The following SLC67A1 variants were observed in gnomAD, a reference collection of about 807,000 sequenced individuals.
The protein encoded by SLC67A1 is solute carrier family 67 member A1.
At chr11:2,909,094 C>A in the SLC67A1 span, 1 of 1,166,142 alleles carries the variant, frequency 8.6e-7, no homozygotes, top group Non-Finnish European at 1.2e-6. Flanking sequence ...CCCCATCCCG[C>A]ACTCCAGCCT....
the SLC67A1 span, among the ~76,000 whole-genome samples, chr11:2,905,264 GAT>G: frequency 4.6e-5 from 7 of 152,136 alleles, no homozygotes; most frequent in African/African-American, 1.4e-4. Flanking sequence ...TGGCAGTGGT[GAT>G]GGAGGAGGGG....
chr11:2,909,132 C>T, the SLC67A1 span: 2 of 1,416,396 alleles, frequency 1.4e-6, no homozygotes, highest in African/African-American at 1.5e-5. Flanking sequence ...TGGGCAGCCC[C>T]TGGACGGGGG....
chr11:2,905,406 G>T, the SLC67A1 span, among the ~76,000 whole-genome samples: 15 of 152,318 alleles, frequency 9.8e-5, no homozygotes, highest in African/African-American at 3.1e-4. Flanking sequence ...GGTCAATGGG[G>T]ACCTCAGGGA....
the SLC67A1 span, among the ~76,000 whole-genome samples, chr11:2,917,353 C>T: frequency 5.3e-5 from 8 of 152,196 alleles, no homozygotes; most frequent in African/African-American, 1.9e-4. Context: ...CATCCTGGGG[C>T]AGGAGGCTGT....
the SLC67A1 span, among the ~76,000 whole-genome samples, chr11:2,917,203 C>A: frequency 6.6e-6 from 1 of 152,204 alleles, no homozygotes; most frequent in East Asian, 1.9e-4. Context: ...TGAGGAGAGG[C>A]CAAGGCTCCT....
the SLC67A1 span, among the ~76,000 whole-genome samples, chr11:2,913,199 C>A: frequency 6.6e-6 from 1 of 152,190 alleles, no homozygotes; most frequent in African/African-American, 2.4e-5. Flanking sequence ...GCCGCCCCCC[C>A]AGCCAGGTGA....
chr11:2,909,228 T>C, the SLC67A1 span: 1 of 1,539,510 alleles, frequency 6.5e-7, no homozygotes. Context: ...CGGGCGGCGC[T>C]CACGCTCTCC....
the SLC67A1 span, among the ~76,000 whole-genome samples, chr11:2,906,901 G>GAA: frequency 2.0e-5 from 3 of 150,346 alleles, no homozygotes; most frequent in Middle Eastern, 0.01. Flanking sequence ...AAAAAAAAGA[G>GAA]AAGCTCAGCA....
At chr11:2,916,460 T>C in the SLC67A1 span, 3 of 615,430 alleles carry the variant, frequency 4.9e-6, no homozygotes, top group East Asian at 5.5e-5. Flanking sequence ...ATAAATGTGC[T>C]CTGAGGGTCC....
chr11:2,922,514 A>C, the SLC67A1 span: 1 of 1,613,052 alleles, frequency 6.2e-7, no homozygotes, highest in African/African-American at 1.3e-5. Flanking sequence ...CAACGTGGTC[A>C]CCGACAGCAT....
At chr11:2,905,277 C>T in the SLC67A1 span, among the ~76,000 whole-genome samples, 15 of 152,008 alleles carry the variant, frequency 9.9e-5, no homozygotes, top group African/African-American at 3.1e-4. Context: ...GGAGGAGGGG[C>T]AAAGGACCCA....
the SLC67A1 span, chr11:2,924,974 C>A: frequency 9.8e-5 from 153 of 1,558,610 alleles, no homozygotes; most frequent in East Asian, 3.1e-3. This position sits in a 1 kb window ranked among gnomAD's most constrained non-coding sequence, Gnocchi z 8.6. Context: ...GCCCAGGGAG[C>A]TGCCCAGGGC....
At chr11:2,909,303 T>A in the SLC67A1 span, 6 of 1,533,808 alleles carry the variant, frequency 3.9e-6, no homozygotes. Flanking sequence ...CTGCCCGGGG[T>A]CTACCTGCTC....
the SLC67A1 span, chr11:2,899,790 C>T: frequency 7.3e-7 from 1 of 1,367,824 alleles, no homozygotes; most frequent in Non-Finnish European, 9.6e-7. Flanking sequence ...CCCTGCTTCA[C>T]CTGGAGGAAG....
At chr11:2,923,538 G>A in the SLC67A1 span, among the ~76,000 whole-genome samples, 1 of 152,220 alleles carries the variant, frequency 6.6e-6, no homozygotes, top group Non-Finnish European at 1.5e-5. The surrounding 1 kb of genome is among the most constrained non-coding windows in gnomAD (Gnocchi z 6.5). Context: ...GCCCGGATGT[G>A]GCCGGGCTGC....
At chr11:2,919,215 C>T in the SLC67A1 span, 1 of 884,670 alleles carries the variant, frequency 1.1e-6, no homozygotes, top group Non-Finnish European at 1.9e-6. Flanking sequence ...GGCCCAGACA[C>T]CCTGATTGGC....
At chr11:2,922,007 G>A in the SLC67A1 span, 38 of 932,770 alleles carry the variant, frequency 4.1e-5, no homozygotes, top group African/African-American at 5.5e-4. Flanking sequence ...CCACAGGCCA[G>A]TCTGGAGGTC....
chr11:2,907,176 G>A, the SLC67A1 span, among the ~76,000 whole-genome samples: 2 of 151,678 alleles, frequency 1.3e-5, no homozygotes, highest in Non-Finnish European at 2.9e-5. This position sits in a 1 kb window ranked among gnomAD's most constrained non-coding sequence, Gnocchi z 6.7. Flanking sequence ...AAGAAGGGGA[G>A]TGGGACCCCA....
chr11:2,922,865 C>T, the SLC67A1 span, among the ~76,000 whole-genome samples: 2 of 152,292 alleles, frequency 1.3e-5, no homozygotes, highest in African/African-American at 4.8e-5. Flanking sequence ...GAGGACTTTG[C>T]CTGCCAGGCC....
Sources: gnomAD v4.1 joint callset for allele counts (sites outside exome capture counted in the v4.1 genomes callset) on GRCh38, gnomAD v4.1.1 for gene constraint, Gnocchi (gnomAD v3.1) non-coding constraint, MANE v1.5 for transcripts, NCBI Gene and HGNC (gene_info 2026-07-23, HGNC 2026-07-21) for gene names.